Variants in RAPGEF3 observed in about 807,000 individuals in gnomAD.
The protein encoded by RAPGEF3 is Rap guanine nucleotide exchange factor 3.
RAPGEF3 carries 103 observed loss-of-function variants against 129.8 expected under a neutral mutation model. The ratio of observed to expected loss-of-function variants is 0.79; its 90% confidence interval spans 0.68 to 0.93. RAPGEF3 has a LOEUF of 0.93. RAPGEF3 is among the 40% of genes least tolerant of loss of function. RAPGEF3 has a pLI of 0.00. For synonymous variants in RAPGEF3, 436 were observed against 482.6 expected, an observed-to-expected ratio of 0.90 and a Z score of 1.26; for missense variants, 1,117 against 1,207.4, an observed-to-expected ratio of 0.93 and a Z score of 1.11.
intron 21 of RAPGEF3, 67 bp downstream of exon 21, chr12:47,740,575 A>T: frequency 6.4e-7 from 1 of 1,554,342 alleles, no homozygotes; most frequent in Non-Finnish European, 8.7e-7. Flanking sequence ...CTAAGCAAAG[A>T]GGGGGGCTTA....
chr12:47,749,759 G>C lies in RAPGEF3; in HGVS notation c.876C>G (p.Asn292Lys). ...SWYIIWKGSVNVVTHGKGLVT... is the reference protein window; with the variant it reads ...SWYIIWKGSVKVVTHGKGLVT... ...GGCTCACCTTGCCATGGGTCACCAC[G>C]TTGACAGATCCCTTCCAGATAATGT... Residue 292 changes from asparagine to lysine, a missense_variant, in exon 9 of 28, where the codon AAC (asparagine) becomes AAG (lysine). Asn to Lys is a moderately conservative substitution (Grantham distance 94). Transcript: ENST00000449771. The surrounding 1 kb of genome is among the most constrained non-coding windows in gnomAD (Gnocchi z 4.5). 1 of 1,614,218 alleles carries C rather than the reference G, an allele frequency of 6.2e-7. No individual in the cohort carries two copies. The highest frequency in any genetic ancestry group is 8.5e-7 in the Non-Finnish European group (1 of 1,180,040).
At chr12:47,745,229 C>A (rs1941365176) in intron 16 of RAPGEF3, 1 of 152,948 alleles carries the variant, frequency 6.5e-6, no homozygotes, top group African/African-American at 2.4e-5. Flanking sequence ...TCCCAGGTGC[C>A]TCCAGCCCTC....
intron 6 of RAPGEF3, among the ~76,000 whole-genome samples, chr12:47,750,756 C>T (rs968410706): frequency 6.6e-6 from 1 of 152,220 alleles, no homozygotes; most frequent in Admixed American, 6.5e-5. Context: ...TTCCAAAACC[C>T]ACTTGCTTTC....
chr12:47,752,644 C>T (rs1480017526), intron 2 of RAPGEF3: 1 of 153,590 alleles, frequency 6.5e-6, no homozygotes, highest in Non-Finnish European at 1.4e-5. Context: ...ATAATACCGA[C>T]TCATGAGGTT....
rs1941531522 is a variant in RAPGEF3 at position 47,748,108 on chromosome 12, G to A, written c.1288C>T (p.Pro430Ser). The change falls in exon 13 of 28, where the codon CCC becomes TCC. Residue 430 changes from proline to serine, a missense_variant. By Grantham distance (74) the Pro-to-Ser change is moderately conservative. Coordinates refer to ENST00000449771, the MANE Select transcript of RAPGEF3 (RefSeq NM_001098531.4). Reference sequence around the variant, plus strand: ...AGGGCAGCGCAGAGTTGGGCGCTGGGCATGAAGACCCTGTGGGTCAGGAGG... The same window carrying A: ...AGGGCAGCGCAGAGTTGGGCGCTGGACATGAAGACCCTGTGGGTCAGGAGG... Reference protein sequence around the residue: ...DFLLTHRVFMPSAQLCAALLH... With the variant: ...DFLLTHRVFMSSAQLCAALLH... 1.9e-6 allele frequency: 3 copies of A among 1,589,494 alleles called. No individual in the cohort carries two copies. In the South Asian group the frequency reaches 3.4e-5, roughly 18 times the overall value.
intron 7 of RAPGEF3, 47 bp from the exon 8 acceptor site, chr12:47,750,037 G>T: frequency 6.2e-7 from 1 of 1,608,476 alleles, no homozygotes; most frequent in South Asian, 1.1e-5. Context: ...TTCATGTGCA[G>T]AGCAGCCAGG....
rs1438712481 is a variant in RAPGEF3, at chr12:47,748,442, T to C, written c.1243+12A>G. 2.5e-6 allele frequency: 4 copies of C among 1,609,650 alleles called. No individual in the cohort carries two copies. The highest frequency in any genetic ancestry group is 3.4e-6 in the Non-Finnish European group (4 of 1,177,012). On this transcript the variant is annotated intron_variant, in intron 12 of 27. Transcript: ENST00000449771. ...TGAGTCAGAAAGCAGGCAGGGTGTC[T>C]CTTGCCCTTACCTGTTGGGTCATGA...
intron 15 of RAPGEF3, 140 bp from the exon 16 acceptor site, chr12:47,747,039 A>C: frequency 1.3e-6 from 1 of 791,468 alleles, no homozygotes; most frequent in Non-Finnish European, 2.0e-6. Flanking sequence ...TCACATAAAG[A>C]GGGGAGAACA....
intron 2 of RAPGEF3, 74 bp from the exon 3 acceptor site, chr12:47,752,043 C>G (rs2136802417): frequency 6.6e-7 from 1 of 1,505,786 alleles, no homozygotes; most frequent in Non-Finnish European, 9.2e-7. Flanking sequence ...TCCCCTCCCC[C>G]ATCACTCCCA....
At position 47,736,107 on chromosome 12, in the gene RAPGEF3, G is replaced by C. The variant is rs1457824976; in HGVS notation, c.*1460C>G. 1 of 152,288 alleles carries C rather than the reference G, an allele frequency of 6.6e-6. No homozygotes were observed. Among genetic ancestry groups the C allele is most frequent in the African/African-American group, 2.4e-5 (1 of 41,454 alleles). The allele number at this position is 152,288 out of a possible 1,614,324, so 9.4% of individuals were successfully genotyped here. ...TTTTATGTGTTTGTCACTAAGCGCT[G>C]TATGGCGTTTATCATACCTGGCTTA... On this transcript the variant is annotated 3_prime_UTR_variant, in exon 28 of 28. Transcript: ENST00000449771.
rs139231646 is a variant in RAPGEF3 at position 47,740,769 on chromosome 12, C to A, written c.2104G>T (p.Ala702Ser). The change falls in exon 21 of 28, where the codon GCC (alanine) becomes TCC (serine). Residue 702 changes from alanine (A) to serine (S), a missense_variant. Around this residue, in one of 3 missense-constraint regions of RAPGEF3, gnomAD observed 643 missense variants for 673.4 expected, o/e 0.95. Transcript: ENST00000449771. ...GPQHLRDVTT[A>S]NLERFMRRFN... ...CGGCGCATGAAGCGCTCCAGGTTGG[C>A]GGTGGTGACATCCCGCAGATGCTGG... 554 of 1,613,918 alleles carry A rather than the reference C, an allele frequency of 3.4e-4. 5 individuals carry two copies. The highest frequency in any genetic ancestry group is 5.8e-5 in the Non-Finnish European group (69 of 1,179,992).
In RAPGEF3 at chr12:47,749,577, T is replaced by C. The variant is rs757280; in HGVS notation, c.895-41A>G. 0.81 allele frequency: 1,261,471 copies of C among 1,563,018 alleles called. 511,346 individuals are homozygous for C. The highest frequency in any genetic ancestry group is 0.92 in the East Asian group (38,402 of 41,724). On this transcript the variant is annotated intron_variant, in intron 9 of 27. Coordinates refer to ENST00000449771, the MANE Select transcript of RAPGEF3 (RefSeq NM_001098531.4). The surrounding 1 kb of genome is among the most constrained non-coding windows in gnomAD (Gnocchi z 4.5). ...AGTCTCAGCCCGCCCCTGCCGCCCC[T>C]GCCGCCCCCAGCTCTTGCCAGGACA...
chr12:47,749,031 C>A lies in RAPGEF3; in HGVS notation c.1042-100G>T. Reference sequence around the variant, plus strand: ...CCAGCCCCTGAGCCCCATGAGGGTCCCACAGGGACCCACAGCCCTTCTCCC... The same window carrying A: ...CCAGCCCCTGAGCCCCATGAGGGTCACACAGGGACCCACAGCCCTTCTCCC... On this transcript the variant is annotated intron_variant, in intron 10 of 27. Coordinates refer to ENST00000449771, the MANE Select transcript of RAPGEF3 (RefSeq NM_001098531.4). This position sits in a 1 kb window ranked among gnomAD's most constrained non-coding sequence, Gnocchi z 4.5. 4 of 963,330 alleles carry A rather than the reference C, an allele frequency of 4.2e-6. No homozygotes were observed. In the South Asian group the frequency reaches 5.8e-5, roughly 14 times the overall value. 59.7% of individuals were successfully genotyped at this position (963,330 alleles called of 1,614,324 possible).
At position 47,740,302 on chromosome 12, in the gene RAPGEF3, T is replaced by TA. The variant is rs1941069335; in HGVS notation, c.2322+2dup. 6 of 1,613,960 alleles carry TA rather than the reference T, an allele frequency of 3.7e-6. No homozygotes were observed. Among genetic ancestry groups the TA allele is most frequent in the Non-Finnish European group, 5.1e-6 (6 of 1,179,890 alleles). ...AGGAGGGGGCCCTCCAGACCACACT[T>TA]ACCTCCCAGGTGTGGGCTAGGCGGC... On this transcript the variant is annotated splice_region_variant and intron_variant, in intron 22 of 27. Transcript: ENST00000449771.
intron 21 of RAPGEF3, 73 bp downstream of exon 21, chr12:47,740,569 G>A (rs1941084087): frequency 1.3e-6 from 2 of 1,561,960 alleles, no homozygotes; most frequent in Admixed American, 1.8e-5. Context: ...AACATACTAA[G>A]CAAAGAGGGG....
chr12:47,734,525 T>C lies in RAPGEF3; in HGVS notation c.*3042A>G, dbSNP rs1489260247. The C allele has an allele frequency of 6.6e-6, 1 of 152,240 alleles. No homozygotes were observed. Among genetic ancestry groups the C allele is most frequent in the Non-Finnish European group, 1.5e-5 (1 of 68,050 alleles). The allele number at this position is 152,240 out of a possible 1,614,324, so 9.4% of individuals were successfully genotyped here. ...CCTGTCTACCCTGCTATTAAGCAGT[T>C]ATGTGACCTTGGGCAAACCTGCCTG... On this transcript the variant is annotated 3_prime_UTR_variant, in exon 28 of 28. Transcript: ENST00000449771.
At position 47,749,475 on chromosome 12, in the gene RAPGEF3, G is replaced by A. The variant is rs1277653854; in HGVS notation, c.956C>T (p.Ala319Val). Residue 319 changes from alanine (A) to valine (V), a missense_variant, in exon 10 of 28, where the codon GCA becomes GTA. Coordinates refer to ENST00000449771, the MANE Select transcript of RAPGEF3 (RefSeq NM_001098531.4). This position sits in a 1 kb window ranked among gnomAD's most constrained non-coding sequence, Gnocchi z 4.5. Reference sequence around the variant, plus strand: ...CAGGATGATGGTGGCTGCCCGGGGTGCATCATTCACCAGAGCCAGCTGTCC... The same window carrying A: ...CAGGATGATGGTGGCTGCCCGGGGTACATCATTCACCAGAGCCAGCTGTCC... ...DFGQLALVND[A>V]PRAATIILRE... is the part of the protein sequence containing the mutation. The A allele has an allele frequency of 6.2e-7, 1 of 1,613,020 alleles. No individual in the cohort carries two copies.
At chr12:47,750,135 G>GAATCAGC (rs1279112314) in intron 7 of RAPGEF3, 145 bp from the exon 8 acceptor site, 7 of 1,163,084 alleles carry the variant, frequency 6.0e-6, no homozygotes, top group Admixed American at 1.7e-5. Context: ...GATTCAGCAG[G>GAATCAGC]AGACAAAGCA....
Position 47,758,049 on chromosome 12 carries a change from C to T in RAPGEF3, c.36G>A (p.Gln12=). 3.2e-6 allele frequency: 5 copies of T among 1,572,086 alleles called. No individual in the cohort carries two copies. Among genetic ancestry groups the T allele is most frequent in the Non-Finnish European group, 4.3e-6 (5 of 1,158,452 alleles). Residue 12 remains glutamine, a synonymous_variant, in exon 2 of 28, where the codon CAG becomes CAA. Coordinates refer to ENST00000449771, the MANE Select transcript of RAPGEF3 (RefSeq NM_001098531.4). ...KVGWPGESCW[Q]VGLAVEDSPA... is the part of the protein sequence containing the mutation. ...GGCTATCCTCCACAGCCAGGCCCACCTGCCAGCAGCTCTCACCTGGCCAGC... is the reference window on the plus strand; with the variant it reads ...GGCTATCCTCCACAGCCAGGCCCACTTGCCAGCAGCTCTCACCTGGCCAGC...
Sources: gnomAD v4.1 joint callset for allele counts (sites outside exome capture counted in the v4.1 genomes callset) on GRCh38, gnomAD v4.1.1 for gene constraint, gnomAD v4.1.1 regional missense constraint, Gnocchi (gnomAD v3.1) non-coding constraint, MANE v1.5 for transcripts, NCBI Gene and HGNC (gene_info 2026-07-23, HGNC 2026-07-21) for gene names.